DNAAF9: variants seen among roughly 807,000 people sequenced by gnomAD.
DNAAF9 encodes dynein axonemal assembly factor 9.
In DNAAF9, 90 loss-of-function variants were observed where a neutral mutation model predicts 167.0. That is an observed-to-expected ratio of 0.54 (90% confidence interval 0.45 to 0.64). The LOEUF is 0.64. Among genes scored for constraint, DNAAF9 ranks in the 30% least tolerant of loss-of-function variants. The pLI is 0.00. For synonymous variants in DNAAF9, 491 were observed against 508.8 expected (o/e 0.96, Z 0.47); for missense variants, 1,315 against 1,442.2 (o/e 0.91, Z 1.43).
chr20:3,385,371 G>T (rs2083718489), intron 1 of DNAAF9, among the ~76,000 whole-genome samples: 2 of 152,212 alleles, frequency 1.3e-5, no homozygotes, highest in East Asian at 1.9e-4. Context: ...GAACTAATAA[G>T]TGAGTTCAAC....
intron 12 of DNAAF9, among the ~76,000 whole-genome samples, chr20:3,326,857 C>T (rs907031715): frequency 1.3e-5 from 2 of 152,164 alleles, no homozygotes; most frequent in Admixed American, 6.5e-5. Flanking sequence ...GACTGCCCCT[C>T]CCTGTTTGTA....
chr20:3,265,835 G>A (rs939165690), intron 30 of DNAAF9, among the ~76,000 whole-genome samples: 1 of 151,230 alleles, frequency 6.6e-6, no homozygotes, highest in Non-Finnish European at 1.5e-5. Flanking sequence ...CCACCACCAC[G>A]CCCTGCTAAT....
intron 20 of DNAAF9, among the ~76,000 whole-genome samples, chr20:3,312,017 T>A (rs1234131910): frequency 7.4e-6 from 1 of 135,948 alleles, no homozygotes; most frequent in Non-Finnish European, 1.6e-5. Flanking sequence ...GAGACAGAGA[T>A]CATTCTTGTT....
chr20:3,288,959 T>C (rs1471494717), intron 26 of DNAAF9, among the ~76,000 whole-genome samples: 1 of 152,172 alleles, frequency 6.6e-6, no homozygotes, highest in Non-Finnish European at 1.5e-5. Flanking sequence ...GCTGCTACAA[T>C]GCTCTCCCCT....
At chr20:3,335,653 A>G (rs2123094187) in intron 10 of DNAAF9, among the ~76,000 whole-genome samples, 1 of 149,108 alleles carries the variant, frequency 6.7e-6, no homozygotes, top group Non-Finnish European at 1.5e-5. Flanking sequence ...ACTCCTTGGG[A>G]GGCTGAGGCA....
At chr20:3,358,733 G>A (rs1385844951) in intron 7 of DNAAF9, among the ~76,000 whole-genome samples, 1 of 152,170 alleles carries the variant, frequency 6.6e-6, no homozygotes, top group Non-Finnish European at 1.5e-5. Context: ...ACAGAAGCAA[G>A]AAACATACCT....
rs1353570206 is a variant in DNAAF9 at position 3,391,024 on chromosome 20, C to T, written c.84-8518G>A. ...AAAGGTCAGGTGACCAAGAAAAAAA[C>T]AGCTCCCCAACTACTGCTGTACAAA... On this transcript the variant is annotated intron_variant, in intron 1 of 36. Coordinates refer to ENST00000252032, the MANE Select transcript of DNAAF9 (RefSeq NM_001009984.3). Among the ~76,000 whole-genome samples, 4 of 152,136 alleles carry T rather than the reference C, an allele frequency of 2.6e-5. No individual in the cohort carries two copies. The East Asian group carries it at 5.8e-4, about 22-fold the overall frequency.
chr20:3,294,311 G>T, intron 24 of DNAAF9, 55 bp from the exon 25 acceptor site: 1 of 1,179,452 alleles, frequency 8.5e-7, no homozygotes, highest in Non-Finnish European at 1.2e-6. Context: ...TCCTGAAGGT[G>T]CCTACTCACA....
intron 25 of DNAAF9, among the ~76,000 whole-genome samples, chr20:3,291,215 A>G (rs985240416): frequency 6.6e-6 from 1 of 152,204 alleles, no homozygotes; most frequent in Admixed American, 6.5e-5. Flanking sequence ...TTTCAGGTAG[A>G]TATTCCAAAG....
At position 3,318,314 on chromosome 20, in the gene DNAAF9, AG is replaced by A; in HGVS notation, c.1442del (p.Thr481IlefsTer5). ...CCTTTTCTTTAACTAAGATCTGAGA[AG>A]TCAAAAATGATTCAGAGAAAACCAC... ...GSVVFSESFL[T>X]SQILVKEKDG... On this transcript the variant is annotated frameshift_variant, in exon 17 of 37. Transcript: ENST00000252032. LOFTEE classifies it high-confidence loss of function. The A allele has an allele frequency of 6.4e-6, 10 of 1,566,602 alleles. No individual in the cohort carries two copies. The highest frequency in any genetic ancestry group is 8.8e-6 in the Non-Finnish European group (10 of 1,137,248).
At chr20:3,324,824 A>G in intron 14 of DNAAF9, 68 bp downstream of exon 14, 2 of 797,244 alleles carry the variant, frequency 2.5e-6, no homozygotes, top group Non-Finnish European at 4.3e-6. Context: ...TCTAAATTAT[A>G]AGGGAAAAAA....
intron 16 of DNAAF9, among the ~76,000 whole-genome samples, chr20:3,318,697 A>C (rs1296884032): frequency 6.6e-6 from 1 of 152,166 alleles, no homozygotes; most frequent in Admixed American, 6.6e-5. Context: ...ACAGTGGCTC[A>C]TGCCTGTAAT....
At chr20:3,376,382 A>G in intron 3 of DNAAF9, 80 bp from the exon 4 acceptor site, 1 of 1,104,702 alleles carries the variant, frequency 9.1e-7, no homozygotes, top group Non-Finnish European at 1.3e-6. Context: ...AATTAGTAAA[A>G]CCATTGAAAC....
chr20:3,256,898 G>A (rs2068290609), intron 33 of DNAAF9, among the ~76,000 whole-genome samples: 1 of 152,184 alleles, frequency 6.6e-6, no homozygotes, highest in Non-Finnish European at 1.5e-5. Context: ...TGGGTGTGAT[G>A]GTATGTTCCT....
rs1166766111 is a variant in DNAAF9, at chr20:3,294,072, G to A, written c.2238+67C>T. ...GTTCTTTTTGTTAACTGACACAAAAGATTCAGGGGCAGGCTCTCAAGATCA... is the reference window on the plus strand; with the variant it reads ...GTTCTTTTTGTTAACTGACACAAAAAATTCAGGGGCAGGCTCTCAAGATCA... On this transcript the variant is annotated intron_variant, in intron 25 of 36. Transcript: ENST00000252032. 1.0e-5 allele frequency: 9 copies of A among 888,852 alleles called. No homozygotes were observed. The African/African-American group carries it at 1.5e-4, about 15-fold the overall frequency. 55.1% of individuals were successfully genotyped at this position (888,852 alleles called of 1,614,324 possible).
intron 29 of DNAAF9, among the ~76,000 whole-genome samples, chr20:3,272,955 C>A (rs925734462): frequency 2.0e-5 from 3 of 152,014 alleles, no homozygotes; most frequent in Non-Finnish European, 2.9e-5. Context: ...CCCGGCCTCC[C>A]GAGTAGCTGG....
intron 25 of DNAAF9, among the ~76,000 whole-genome samples, chr20:3,292,832 T>A (rs2068986780): frequency 6.6e-6 from 1 of 150,674 alleles, no homozygotes; most frequent in South Asian, 2.1e-4. Context: ...TTTGGGAGGC[T>A]GAGGCAGGTG....
chr20:3,278,490 G>T (rs1306280790), intron 29 of DNAAF9, among the ~76,000 whole-genome samples: 1 of 152,162 alleles, frequency 6.6e-6, no homozygotes, highest in Non-Finnish European at 1.5e-5. Context: ...GGAGGCCGAG[G>T]TGGGCGGACT....
rs139338746 is a variant in DNAAF9 at position 3,281,550 on chromosome 20, G to A, written c.2612+91C>T. On this transcript the variant is annotated intron_variant, in intron 28 of 36. Coordinates refer to ENST00000252032, the MANE Select transcript of DNAAF9 (RefSeq NM_001009984.3). ...AAAGAACAGCATTTACTACATACAA[G>A]GTGACTAATGCATTCCAAAAGATCT... 5.0e-4 allele frequency: 614 copies of A among 1,223,238 alleles called. 8 individuals are homozygous for A. The African/African-American group carries it at 8.5e-3, about 17-fold the overall frequency. 75.8% of individuals were successfully genotyped at this position (1,223,238 alleles called of 1,614,324 possible).
Sources: gnomAD v4.1 joint callset for allele counts (sites outside exome capture counted in the v4.1 genomes callset) on GRCh38, gnomAD v4.1.1 for gene constraint, MANE v1.5 for transcripts, NCBI Gene and HGNC (gene_info 2026-07-23, HGNC 2026-07-21) for gene names.